Variants in ATXN1 observed in about 807,000 individuals in gnomAD.
ATXN1 encodes the protein ataxin 1.
Under a neutral mutation model 56.4 loss-of-function variants are expected in ATXN1, and 8 were observed. That is an observed-to-expected ratio of 0.14 (90% CI 0.08 to 0.26). The LOEUF is 0.26. Ranked by LOEUF, ATXN1 falls within the 10% of genes least tolerant of loss-of-function variation. The probability of loss-of-function intolerance (pLI) is 1.00; values close to 1 mark genes in which losing one functional copy is unlikely to be tolerated. For missense variants in ATXN1, 987 were observed against 1,106.5 expected, an observed-to-expected ratio of 0.89 and a Z score of 1.53; for synonymous variants, 514 against 494.6, an observed-to-expected ratio of 1.04 and a Z score of -0.52.
chr6:16,647,744 T>A (rs1005310419), intron 3 of ATXN1, among the ~76,000 whole-genome samples: 1 of 152,230 alleles, frequency 6.6e-6, no homozygotes, highest in Non-Finnish European at 1.5e-5. Context: ...CATCGTGTTG[T>A]ACACAAATTT....
At chr6:16,666,489 G>GAAAGTC (rs201399739) in intron 2 of ATXN1, 2,190 of 163,004 alleles carry the variant, frequency 0.013, 31 homozygotes, top group Middle Eastern at 0.027. Context: ...CTTTCTTCTG[G>GAAAGTC]ATATATACAT....
chr6:16,452,701 T>C (rs1759777523), intron 6 of ATXN1, among the ~76,000 whole-genome samples: 1 of 152,266 alleles, frequency 6.6e-6, no homozygotes, highest in Non-Finnish European at 1.5e-5. Context: ...GACATAAACC[T>C]GCCTCTTCAT....
chr6:16,307,238 G>A (rs1760272050), intron 7 of ATXN1, among the ~76,000 whole-genome samples: 1 of 152,216 alleles, frequency 6.6e-6, no homozygotes, highest in Non-Finnish European at 1.5e-5. Context: ...CACAAGCCCA[G>A]CGCGGTCTTA....
intron 5 of ATXN1, among the ~76,000 whole-genome samples, chr6:16,492,251 A>G (rs1282513138): frequency 1.3e-5 from 2 of 151,126 alleles, no homozygotes; most frequent in Admixed American, 1.3e-4. Flanking sequence ...AGGAAGGGGA[A>G]CATCACACTC....
chr6:16,648,495 T>A (rs985948532), intron 3 of ATXN1, among the ~76,000 whole-genome samples: 1 of 152,116 alleles, frequency 6.6e-6, no homozygotes, highest in African/African-American at 2.4e-5. Context: ...ACCAAAAAAG[T>A]TTGCAACCCC....
chr6:16,747,660 CA>C (rs3840419), intron 2 of ATXN1, among the ~76,000 whole-genome samples: 13,556 of 110,990 alleles, frequency 0.12, 898 homozygotes, highest in East Asian at 0.39. Flanking sequence ...CCTTGAAGAC[CA>C]AAAAAAAAAA....
At chr6:16,680,353 G>C (rs1243253977) in intron 2 of ATXN1, among the ~76,000 whole-genome samples, 5 of 152,116 alleles carry the variant, frequency 3.3e-5, no homozygotes, top group Admixed American at 3.3e-4. Context: ...ATGTCCTTCT[G>C]TTCCTTCCTT....
chr6:16,318,059 C>T (rs1183648518), intron 7 of ATXN1, among the ~76,000 whole-genome samples: 2 of 152,330 alleles, frequency 1.3e-5, no homozygotes, highest in African/African-American at 4.8e-5. Flanking sequence ...ACACTATGCA[C>T]ATACACGCAT....
chr6:16,322,705 T>C (rs1157131957), intron 7 of ATXN1, among the ~76,000 whole-genome samples: 1 of 152,138 alleles, frequency 6.6e-6, no homozygotes, highest in Non-Finnish European at 1.5e-5. Flanking sequence ...GGAACCTCAA[T>C]TAAGTCCAGA....
At chr6:16,336,023 G>A (rs1029444291) in intron 6 of ATXN1, among the ~76,000 whole-genome samples, 1 of 152,152 alleles carries the variant, frequency 6.6e-6, no homozygotes, top group Non-Finnish European at 1.5e-5. Flanking sequence ...ATTTATTATG[G>A]CAGCCCTAAG....
intron 6 of ATXN1, among the ~76,000 whole-genome samples, chr6:16,460,835 C>T (rs1263776100): frequency 6.6e-6 from 1 of 152,134 alleles, no homozygotes; most frequent in Non-Finnish European, 1.5e-5. Flanking sequence ...CCCCACGGAC[C>T]AGCGCCTAGT....
rs746639448 is a variant in ATXN1 at position 16,761,278 on chromosome 6, A to G, written c.-730+20T>C. 18 of 425,298 alleles carry G rather than the reference A, an allele frequency of 4.2e-5. No homozygotes were observed. Among genetic ancestry groups the G allele is most frequent in the South Asian group, 3.0e-4 (18 of 60,568 alleles). The allele number at this position is 425,298 out of a possible 1,614,324, so 26.3% of individuals were successfully genotyped here. A position where few individuals can be genotyped will look rare whatever the true frequency, so the allele number is the denominator to read the frequency against. On this transcript the variant is annotated intron_variant, in intron 1 of 7. Coordinates refer to ENST00000436367, the MANE Select transcript of ATXN1 (RefSeq NM_001128164.2). ...GGAGGGGGGAAAGAATCGGAGGAGG[A>G]AAAAAAAATAGTCACTTACTGTAAA...
intron 2 of ATXN1, among the ~76,000 whole-genome samples, chr6:16,689,548 T>C (rs1278885178): frequency 1.5e-5 from 2 of 134,474 alleles, no homozygotes; most frequent in Non-Finnish European, 3.1e-5. Context: ...AGAGATGGAG[T>C]CTCCCTATGT....
intron 6 of ATXN1, among the ~76,000 whole-genome samples, chr6:16,476,188 C>A (rs1462161931): frequency 6.6e-6 from 1 of 152,160 alleles, no homozygotes; most frequent in Admixed American, 6.6e-5. Flanking sequence ...TTAACGCCTA[C>A]CCCTGTGATC....
intron 3 of ATXN1, among the ~76,000 whole-genome samples, chr6:16,609,022 G>A (rs958726860): frequency 6.6e-6 from 1 of 152,070 alleles, no homozygotes; most frequent in Non-Finnish European, 1.5e-5. Context: ...AAAAAAGGAG[G>A]GCACCCAGCA....
chr6:16,514,946 G>A (rs572400464), intron 5 of ATXN1, among the ~76,000 whole-genome samples: 23 of 151,744 alleles, frequency 1.5e-4, no homozygotes, highest in African/African-American at 5.6e-4. Flanking sequence ...TCACGCCACT[G>A]CACTCCAGCC....
intron 2 of ATXN1, among the ~76,000 whole-genome samples, chr6:16,684,606 G>A (rs771630874): frequency 1.2e-4 from 19 of 152,094 alleles, no homozygotes; most frequent in Non-Finnish European, 1.9e-4. Flanking sequence ...GCCAAAGGCC[G>A]CACAACAGTT....
chr6:16,496,845 G>A (rs760879442), intron 5 of ATXN1, among the ~76,000 whole-genome samples: 32 of 151,834 alleles, frequency 2.1e-4, no homozygotes, highest in Non-Finnish European at 4.3e-4. Context: ...CATATTCTCG[G>A]GGAAGAGCAT....
chr6:16,499,182 G>A (rs1276655087), intron 5 of ATXN1, among the ~76,000 whole-genome samples: 1 of 152,116 alleles, frequency 6.6e-6, no homozygotes, highest in Non-Finnish European at 1.5e-5. Flanking sequence ...TGTATATGGT[G>A]TGAGGTAAGG....
Sources: allele counts gnomAD v4.1 joint callset (sites outside exome capture counted in the v4.1 genomes callset), GRCh38; gene constraint gnomAD v4.1.1; transcripts MANE v1.5; gene names NCBI Gene and HGNC (gene_info 2026-07-23, HGNC 2026-07-21).